The following DPYD variants were observed in gnomAD, a reference collection of about 807,000 sequenced individuals.
DPYD encodes the protein dihydropyrimidine dehydrogenase.
DPYD carries 109 observed loss-of-function variants against 116.2 expected under a neutral mutation model. The observed-to-expected ratio is 0.94, with a 90% CI of 0.80 to 1.10. The LOEUF (loss-of-function observed/expected upper bound fraction) is 1.10. DPYD is among the 50% of genes least tolerant of loss of function. The pLI is 0.00. For missense variants in DPYD, 1,302 were observed against 1,254.5 expected (o/e 1.04, Z -0.57); for synonymous variants, 440 against 432.0 (o/e 1.02, Z -0.23).
intron 3 of DPYD, among the ~76,000 whole-genome samples, chr1:97,748,112 T>C (rs968507910): frequency 1.1e-4 from 16 of 152,110 alleles, no homozygotes; most frequent in African/African-American, 3.6e-4. Context: ...CTGACAAACA[T>C]ATACATATGC....
chr1:97,629,319 G>A (rs1282104235), intron 8 of DPYD, among the ~76,000 whole-genome samples: 1 of 151,954 alleles, frequency 6.6e-6, no homozygotes, highest in Admixed American at 6.6e-5. Context: ...AACACCAATA[G>A]GAGGGTGGGC....
intron 19 of DPYD, among the ~76,000 whole-genome samples, chr1:97,196,543 C>T (rs893196271): frequency 2.6e-5 from 4 of 152,116 alleles, no homozygotes; most frequent in East Asian, 3.9e-4. Context: ...AATGATTATG[C>T]GATGAGAATA....
intron 16 of DPYD, among the ~76,000 whole-genome samples, chr1:97,372,052 A>C (rs563250907): frequency 1.1e-4 from 16 of 152,210 alleles, no homozygotes; most frequent in Non-Finnish European, 2.2e-4. Context: ...GTAAATTCAG[A>C]TGTGCTCATA....
chr1:97,281,286 A>G (rs952081580), intron 18 of DPYD, among the ~76,000 whole-genome samples: 1 of 151,958 alleles, frequency 6.6e-6, no homozygotes, highest in African/African-American at 2.4e-5. Flanking sequence ...TTTTCCACAT[A>G]GAAAAGAGCT....
intron 20 of DPYD, among the ~76,000 whole-genome samples, chr1:97,129,794 A>G (rs1256467304): frequency 4.6e-5 from 7 of 152,190 alleles, no homozygotes. Context: ...TTTTTATTAT[A>G]CTTTGCAGTT....
chr1:97,370,571 A>G (rs1431161519), intron 16 of DPYD, among the ~76,000 whole-genome samples: 1 of 152,182 alleles, frequency 6.6e-6, no homozygotes, highest in East Asian at 1.9e-4. Flanking sequence ...GTATCCCAGA[A>G]CTTAAAGCAA....
intron 19 of DPYD, among the ~76,000 whole-genome samples, chr1:97,216,933 C>A (rs912530012): frequency 2.0e-5 from 3 of 151,992 alleles, no homozygotes; most frequent in South Asian, 2.1e-4. Flanking sequence ...GAGGATCTGG[C>A]ACCGTGGCTC....
At chr1:97,521,927 T>G (rs987769235) in intron 12 of DPYD, among the ~76,000 whole-genome samples, 3 of 152,124 alleles carry the variant, frequency 2.0e-5, no homozygotes, top group Non-Finnish European at 4.4e-5. Context: ...ATTAAAGACT[T>G]AAATGTAAGA....
At chr1:97,401,010 A>C (rs1053015614) in intron 14 of DPYD, among the ~76,000 whole-genome samples, 2 of 152,044 alleles carry the variant, frequency 1.3e-5, no homozygotes, top group Non-Finnish European at 2.9e-5. Context: ...GGCTATTCTA[A>C]TAGATGTGTA....
chr1:97,131,978 T>A (rs1163854145), intron 20 of DPYD, among the ~76,000 whole-genome samples: 1 of 152,142 alleles, frequency 6.6e-6, no homozygotes, highest in East Asian at 1.9e-4. Flanking sequence ...CAATTTAAAA[T>A]ATGTCTGAAA....
At chr1:97,087,125 CT>C (rs1219931749) in intron 21 of DPYD, among the ~76,000 whole-genome samples, 17 of 152,248 alleles carry the variant, frequency 1.1e-4, no homozygotes, top group African/African-American at 3.6e-4. Flanking sequence ...TGTAGGATTC[CT>C]TTGGGGTTAG....
chr1:97,572,175 T>C (rs1285474186), intron 11 of DPYD, among the ~76,000 whole-genome samples: 1 of 151,966 alleles, frequency 6.6e-6, no homozygotes, highest in African/African-American at 2.4e-5. Flanking sequence ...AGAAGAAATA[T>C]ACACAGTAAA....
intron 18 of DPYD, among the ~76,000 whole-genome samples, chr1:97,254,219 T>C (rs563968955): frequency 3.3e-5 from 5 of 152,272 alleles, no homozygotes; most frequent in African/African-American, 1.2e-4. Context: ...CTTCCTTCAA[T>C]AAGTTGATAT....
intron 16 of DPYD, among the ~76,000 whole-genome samples, chr1:97,359,083 G>A (rs1319092381): frequency 6.6e-6 from 1 of 151,982 alleles, no homozygotes; most frequent in Non-Finnish European, 1.5e-5. Flanking sequence ...GAGATGAATG[G>A]CCACCTAGAA....
intron 13 of DPYD, among the ~76,000 whole-genome samples, chr1:97,461,709 T>C (rs190543914): frequency 9.8e-5 from 15 of 152,338 alleles, no homozygotes; most frequent in East Asian, 1.9e-4. Context: ...TTCTACTCAA[T>C]AGCATTCTTT....
Position 97,133,998 on chromosome 1 carries a change from C to CAAAAAAAAAAAAA in DPYD, c.2623-35379_2623-35367dup, listed in dbSNP as rs1208967697. The stretch of plus-strand genomic sequence containing the variant: ...TGGGTCACAGAGCCAGACTCTGTTT[C>CAAAAAAAAAAAAA]AAAAAAAAAAAAAAAAATATATATA... On this transcript the variant is annotated intron_variant, in intron 20 of 22. Transcript: ENST00000370192. Among the ~76,000 whole-genome samples the CAAAAAAAAAAAAA allele has an allele frequency of 8.1e-4, 14 of 17,234 alleles. 1 individual carries two copies. The highest frequency in any genetic ancestry group is 2.6e-3 in the African/African-American group (8 of 3,082). 11.3% of individuals were successfully genotyped at this position (17,234 alleles called of 152,430 possible).
At chr1:97,912,225 T>C (rs555346191) in intron 1 of DPYD, among the ~76,000 whole-genome samples, 11 of 151,926 alleles carry the variant, frequency 7.2e-5, no homozygotes, top group East Asian at 5.8e-4. Flanking sequence ...AAATGCACTA[T>C]ATATCATTGA....
At chr1:97,365,670 C>G (rs1486944041) in intron 16 of DPYD, among the ~76,000 whole-genome samples, 1 of 152,108 alleles carries the variant, frequency 6.6e-6, no homozygotes, top group African/African-American at 2.4e-5. Context: ...TAACATTCAC[C>G]AGGCTGGAGT....
At chr1:97,688,685 A>T (rs548265375) in intron 7 of DPYD, among the ~76,000 whole-genome samples, 55 of 152,228 alleles carry the variant, frequency 3.6e-4, no homozygotes, top group African/African-American at 1.3e-3. Flanking sequence ...AACAAAACAA[A>T]AAGTCTTTGC....
Sources: gnomAD v4.1 joint callset for allele counts (sites outside exome capture counted in the v4.1 genomes callset) on GRCh38, gnomAD v4.1.1 for gene constraint, MANE v1.5 for transcripts, NCBI Gene and HGNC (gene_info 2026-07-23, HGNC 2026-07-21) for gene names.